The following OC90 variants were observed in gnomAD, a reference collection of about 807,000 sequenced individuals.
The protein encoded by OC90 is otoconin 90.
A neutral mutation model predicts 47.3 loss-of-function variants in OC90; 46 were observed. The observed-to-expected ratio is 0.97, with a 90% CI of 0.77 to 1.24. The LOEUF (loss-of-function observed/expected upper bound fraction) is 1.24. Ranked by LOEUF, OC90 falls within the 50% of genes most tolerant of loss-of-function variation. OC90 has a pLI of 0.00. For synonymous variants in OC90, 271 were observed against 219.5 expected, an observed-to-expected ratio of 1.23 and a Z score of -2.07; for missense variants, 688 against 583.9, an observed-to-expected ratio of 1.18 and a Z score of -1.84.
At position 132,031,890 on chromosome 8, in the gene OC90, T is replaced by C. The variant is rs774658619; in HGVS notation, c.1022A>G (p.Asp341Gly). 1.2e-6 allele frequency: 2 copies of C among 1,613,812 alleles called. No homozygotes were observed. The highest frequency in any genetic ancestry group is 1.7e-6 in the Non-Finnish European group (2 of 1,179,812). The change falls in exon 12 of 14, where the codon GAC (aspartate) becomes GGC (glycine). Residue 341 changes from aspartate (D) to glycine (G), a missense_variant. By Grantham distance (94) the Asp-to-Gly change is moderately conservative. Transcript: ENST00000254627. ...CGCTGGCTCTCCATACCTGTCTAGG[T>C]CATCCCTTGGCTCGCCTCTTCCTTC... ...GQEGRGEPRDDLDRCCLSHHC... is the reference protein window; with the variant it reads ...GQEGRGEPRDGLDRCCLSHHC...
chr8:132,042,061 A>C (rs1029179700), intron 4 of OC90, among the ~76,000 whole-genome samples: 1 of 151,922 alleles, frequency 6.6e-6, no homozygotes, highest in Non-Finnish European at 1.5e-5. Flanking sequence ...CTTAAGGGAA[A>C]GTCTTTAAGT....
intron 9 of OC90, among the ~76,000 whole-genome samples, chr8:132,035,036 C>A (rs917252226): frequency 1.3e-5 from 2 of 152,342 alleles, no homozygotes; most frequent in Admixed American, 6.5e-5. Context: ...CCCAGAAAAA[C>A]GCTTGCTGGC....
chr8:132,046,363 A>T (rs1823133616), intron 2 of OC90, among the ~76,000 whole-genome samples: 2 of 152,178 alleles, frequency 1.3e-5, no homozygotes, highest in Admixed American at 6.5e-5. Context: ...CTGTGCTCTC[A>T]CTCAAGTTTG....
intron 13 of OC90, among the ~76,000 whole-genome samples, 198 bp downstream of exon 13, chr8:132,028,875 G>A (rs1822827803): frequency 7.1e-6 from 1 of 139,898 alleles, no homozygotes; most frequent in African/African-American, 2.7e-5. Context: ...GGAAGGGAAG[G>A]AAGGAAAAGA....
chr8:132,045,386 C>T (rs1373550856), intron 3 of OC90, among the ~76,000 whole-genome samples: 3 of 152,144 alleles, frequency 2.0e-5, no homozygotes, highest in African/African-American at 4.8e-5. Flanking sequence ...TATAAACTAT[C>T]GCTGAGAAAA....
rs567497932 is a variant in OC90 at position 132,033,925 on chromosome 8, C to T, written c.734-761G>A. Among the ~76,000 whole-genome samples, 10 of 152,298 alleles carry T rather than the reference C, an allele frequency of 6.6e-5. No individual in the cohort carries two copies. In the South Asian group the frequency reaches 2.1e-3, roughly 32 times the overall value. Reference sequence around the variant, plus strand: ...GGGTAAGGTCTGGCATATTTGTGCCCGCTGGATTGCAGTCTTTCCCCAAAT... The same window carrying T: ...GGGTAAGGTCTGGCATATTTGTGCCTGCTGGATTGCAGTCTTTCCCCAAAT... On this transcript the variant is annotated intron_variant, in intron 10 of 13. Transcript: ENST00000254627.
intron 12 of OC90, among the ~76,000 whole-genome samples, chr8:132,031,005 A>T (rs1822865878): frequency 6.6e-6 from 1 of 152,082 alleles, no homozygotes; most frequent in Admixed American, 6.6e-5. Flanking sequence ...TCCGAGAAGG[A>T]CATGTGCCTT....
intron 2 of OC90, among the ~76,000 whole-genome samples, chr8:132,051,443 GT>G (rs546301515): frequency 1.5e-3 from 224 of 152,306 alleles, no homozygotes; most frequent in Non-Finnish European, 2.9e-3. Flanking sequence ...GCATTTATGT[GT>G]ATCATGGCAC....
At chr8:132,039,863 T>G (rs942628386) in intron 6 of OC90, among the ~76,000 whole-genome samples, 2 of 152,234 alleles carry the variant, frequency 1.3e-5, no homozygotes, top group East Asian at 1.9e-4. Context: ...AGGCTTTTCT[T>G]GACCTTCCCA....
intron 13 of OC90, among the ~76,000 whole-genome samples, chr8:132,026,169 A>G (rs1000853485): frequency 1.3e-5 from 2 of 152,180 alleles, no homozygotes; most frequent in East Asian, 1.9e-4. Flanking sequence ...ATTTTTTTCA[A>G]TGTATGAGTT....
chr8:132,031,955 G>A lies in OC90; in HGVS notation c.957C>T (p.Cys319=). The A allele has an allele frequency of 5.0e-6, 8 of 1,614,012 alleles. No homozygotes were observed. The highest frequency in any genetic ancestry group is 1.3e-5 in the African/African-American group (1 of 75,052). The change falls in exon 12 of 14, where the codon TGC becomes TGT. Residue 319 remains cysteine (C), a synonymous_variant. Coordinates refer to ENST00000254627, the MANE Select transcript of OC90 (RefSeq NM_001080399.3). ...GEMLFCLTSR[C]PEEFESYGCY... The stretch of plus-strand genomic sequence containing the variant: ...AGCCATAAGACTCAAATTCCTCCGG[G>A]CACCGGGATGTCAGACAAAAGAGCA...
chr8:132,044,110 T>C (rs1016598536), intron 4 of OC90, among the ~76,000 whole-genome samples: 1 of 152,222 alleles, frequency 6.6e-6, no homozygotes, highest in Non-Finnish European at 1.5e-5. Context: ...TCCTCCCTTC[T>C]AGCTGGGTGG....
intron 1 of OC90, among the ~76,000 whole-genome samples, chr8:132,057,341 C>T (rs961473466): frequency 6.6e-6 from 1 of 152,110 alleles, no homozygotes; most frequent in African/African-American, 2.4e-5. Context: ...GGTGCATTCC[C>T]CTGGGGAGTT....
chr8:132,038,160 C>A (rs1586710027), intron 8 of OC90, among the ~76,000 whole-genome samples: 1 of 152,286 alleles, frequency 6.6e-6, no homozygotes, highest in South Asian at 2.1e-4. Context: ...GAGTGGCAGG[C>A]ATAAACCTGA....
intron 1 of OC90, among the ~76,000 whole-genome samples, chr8:132,055,848 C>T (rs1375787208): frequency 1.3e-5 from 2 of 152,116 alleles, no homozygotes; most frequent in Admixed American, 1.3e-4. Context: ...AAATATTTAA[C>T]TTCAATAAGC....
chr8:132,053,367 C>G (rs1012091984), intron 2 of OC90, among the ~76,000 whole-genome samples: 1 of 152,058 alleles, frequency 6.6e-6, no homozygotes, highest in South Asian at 2.1e-4. Flanking sequence ...ACATATATAA[C>G]AGAAACCACA....
At position 132,024,631 on chromosome 8, in the gene OC90, G is replaced by A. The variant is rs1430273964; in HGVS notation, c.1284C>T (p.Ser428=). ...CPGQPAACED[S]LHPVPAAPTL... Reference sequence around the variant, plus strand: ...TGGGGGCTGCGGGCACAGGGTGCAGGCTGTCTTCACAGGCTGCTGGCTGCC... The same window carrying A: ...TGGGGGCTGCGGGCACAGGGTGCAGACTGTCTTCACAGGCTGCTGGCTGCC... The change falls in exon 14 of 14, where the codon AGC becomes AGT. Residue 428 remains serine, a synonymous_variant. Coordinates refer to ENST00000254627, the MANE Select transcript of OC90 (RefSeq NM_001080399.3). The A allele has an allele frequency of 1.9e-6, 3 of 1,613,488 alleles. No homozygotes were observed. In the African/African-American group the frequency reaches 4.0e-5, roughly 22 times the overall value.
chr8:132,045,979 G>A (rs954838834), intron 2 of OC90, 96 bp from the exon 3 acceptor site: 1 of 714,842 alleles, frequency 1.4e-6, no homozygotes, highest in South Asian at 1.6e-5. Flanking sequence ...CAAACAATGG[G>A]AATTCACATA....
chr8:132,049,176 C>G (rs3935356), intron 2 of OC90, among the ~76,000 whole-genome samples: 12,106 of 151,592 alleles, frequency 0.08, 929 homozygotes, highest in East Asian at 0.24. Flanking sequence ...ACACGTGTAG[C>G]ATACCTTCTG....
Sources: gnomAD v4.1 joint callset for allele counts (sites outside exome capture counted in the v4.1 genomes callset) on GRCh38, gnomAD v4.1.1 for gene constraint, MANE v1.5 for transcripts, NCBI Gene and HGNC (gene_info 2026-07-23, HGNC 2026-07-21) for gene names.